CELSR1: variants seen among roughly 807,000 people sequenced by gnomAD.
CELSR1 encodes cadherin EGF LAG seven-pass G-type receptor 1.
CELSR1 carries 110 observed loss-of-function variants against 249.1 expected under a neutral mutation model. The observed-to-expected ratio is 0.44, with a 90% CI of 0.38 to 0.52. CELSR1 has a LOEUF of 0.52. CELSR1 is among the 20% of genes least tolerant of loss of function. The pLI, the probability that CELSR1 is intolerant of heterozygous loss-of-function variation, is 0.00. For synonymous variants in CELSR1, 2,113 were observed against 1,900.0 expected (o/e 1.11, Z -2.92); for missense variants, 4,109 against 4,296.4 (o/e 0.96, Z 1.22).
At chr22:46,376,235 G>T (rs2078916847) in intron 24 of CELSR1, among the ~76,000 whole-genome samples, 1 of 152,128 alleles carries the variant, frequency 6.6e-6, no homozygotes, top group South Asian at 2.1e-4. Context: ...AAATGTACTG[G>T]TGAGGTAAAT....
intron 4 of CELSR1, among the ~76,000 whole-genome samples, chr22:46,435,118 G>A (rs76865464): frequency 0.063 from 9,545 of 151,848 alleles, 382 homozygotes; most frequent in African/African-American, 0.12. Flanking sequence ...TGGCCTTGTC[G>A]ATATATTTTT....
At chr22:46,404,586 T>C (rs1163877514) in intron 9 of CELSR1, among the ~76,000 whole-genome samples, 2 of 152,182 alleles carry the variant, frequency 1.3e-5, no homozygotes, top group Non-Finnish European at 2.9e-5. Context: ...TTGGTCTCTA[T>C]TGATAGTTTG....
Position 46,447,077 on chromosome 22 carries a change from G to A in CELSR1, c.4184-7666C>T, listed in dbSNP as rs1049658964. Among the ~76,000 whole-genome samples, 2 of 152,038 alleles carry A rather than the reference G, an allele frequency of 1.3e-5. No homozygotes were observed. Among genetic ancestry groups the A allele is most frequent in the African/African-American group, 2.4e-5 (1 of 41,410 alleles). ...GCTGCTAGCATGAGTGGATTACAGC[G>A]CTGTTTAAACAAGGTAACTGGAGGG... On this transcript the variant is annotated intron_variant, in intron 2 of 34. Coordinates refer to ENST00000674500, the MANE Select transcript of CELSR1 (RefSeq NM_001378328.1). The surrounding 1 kb of genome is among the most constrained non-coding windows in gnomAD (Gnocchi z 4.7).
rs1006345858 is a variant in CELSR1, at chr22:46,429,099, G to T, written c.4611+4294C>A. Among the ~76,000 whole-genome samples the T allele has an allele frequency of 2.6e-5, 4 of 152,102 alleles. No individual in the cohort carries two copies. The highest frequency in any genetic ancestry group is 5.9e-5 in the Non-Finnish European group (4 of 68,016). The stretch of plus-strand genomic sequence containing the variant: ...GGGAAGCACAGTAAGGGAATGACCC[G>T]CTCAGTGCAGCCCCGAGGATCCCCA... On this transcript the variant is annotated intron_variant, in intron 5 of 34. Transcript: ENST00000674500. This position sits in a 1 kb window ranked among gnomAD's most constrained non-coding sequence, Gnocchi z 4.1.
rs934982408 is a variant in CELSR1 at position 46,393,957 on chromosome 22, G to A, written c.5964+185C>T. On this transcript the variant is annotated intron_variant, in intron 14 of 34. Coordinates refer to ENST00000674500, the MANE Select transcript of CELSR1 (RefSeq NM_001378328.1). This position sits in a 1 kb window ranked among gnomAD's most constrained non-coding sequence, Gnocchi z 4.1. ...CAGCCATGGAGTATTCACAGAGCACGGGGGAGCAGCAAGGAAACCAAAAAC... is the reference window on the plus strand; with the variant it reads ...CAGCCATGGAGTATTCACAGAGCACAGGGGAGCAGCAAGGAAACCAAAAAC... Among the ~76,000 whole-genome samples the A allele has an allele frequency of 5.9e-5, 9 of 152,222 alleles. No homozygotes were observed. The highest frequency in any genetic ancestry group is 4.6e-4 in the Admixed American group (7 of 15,278).
chr22:46,435,261 C>CAA (rs1214889556), intron 4 of CELSR1, among the ~76,000 whole-genome samples: 51 of 82,542 alleles, frequency 6.2e-4, no homozygotes, highest in African/African-American at 1.9e-3. Flanking sequence ...CAGCCTTGTC[C>CAA]AAAAAAAAAA....
At chr22:46,476,077 G>A in intron 1 of CELSR1, among the ~76,000 whole-genome samples, 1 of 152,080 alleles carries the variant, frequency 6.6e-6, no homozygotes, top group Non-Finnish European at 1.5e-5. Flanking sequence ...TAAGAGTTAA[G>A]GATTGCTTCC....
At chr22:46,486,443 G>A (rs1354920274) in intron 1 of CELSR1, among the ~76,000 whole-genome samples, 4 of 151,846 alleles carry the variant, frequency 2.6e-5, no homozygotes, top group African/African-American at 7.3e-5. Flanking sequence ...AGCTACTCAG[G>A]AGACTGAGGC....
rs2079422782 is a variant in CELSR1, at chr22:46,417,977, G to A, written c.4612-6218C>T. 6.6e-6 allele frequency among the ~76,000 whole-genome samples: 1 copy of A among 152,232 alleles called. No individual in the cohort carries two copies. The highest frequency in any genetic ancestry group is 6.5e-5 in the Admixed American group (1 of 15,286). On this transcript the variant is annotated intron_variant, in intron 5 of 34. Coordinates refer to ENST00000674500, the MANE Select transcript of CELSR1 (RefSeq NM_001378328.1). This position sits in a 1 kb window ranked among gnomAD's most constrained non-coding sequence, Gnocchi z 4.1. ...CCATATCCTGCCCCTACTTGGGAAA[G>A]TCACATGACTTCCCTGCATGCCAGG...
rs931157125 is a variant in CELSR1, at chr22:46,433,617, T to C, written c.4523-136A>G. The C allele has an allele frequency of 6.4e-6, 4 of 625,064 alleles. No individual in the cohort carries two copies. The highest frequency in any genetic ancestry group is 3.8e-5 in the South Asian group (2 of 52,712). 38.7% of individuals were successfully genotyped at this position (625,064 alleles called of 1,614,324 possible). A position where few individuals can be genotyped will look rare whatever the true frequency, so the allele number is the denominator to read the frequency against. On this transcript the variant is annotated intron_variant, in intron 4 of 34. Coordinates refer to ENST00000674500, the MANE Select transcript of CELSR1 (RefSeq NM_001378328.1). The surrounding 1 kb of genome is among the most constrained non-coding windows in gnomAD (Gnocchi z 5.7). ...CCTCCCTCCCCTCCCCACGGCACCA[T>C]GGTGGGAGGCGCCCACCACTCCATC...
chr22:46,365,779 C>A (rs1314369652), intron 30 of CELSR1, 90 bp from the exon 31 acceptor site: 1 of 942,186 alleles, frequency 1.1e-6, no homozygotes, highest in Non-Finnish European at 1.6e-6. Flanking sequence ...TGCCCCTACC[C>A]CTTCTGTGTT....
At chr22:46,524,615 C>T (rs370221637) in intron 1 of CELSR1, among the ~76,000 whole-genome samples, 3 of 151,820 alleles carry the variant, frequency 2.0e-5, no homozygotes, top group African/African-American at 7.3e-5. Context: ...AGCCCCTGGC[C>T]TTCATCCAGG....
At position 46,407,108 on chromosome 22, in the gene CELSR1, G is replaced by A. The variant is rs1045815758; in HGVS notation, c.5226+1888C>T. Among the ~76,000 whole-genome samples the A allele has an allele frequency of 1.3e-5, 2 of 152,238 alleles. No homozygotes were observed. Among genetic ancestry groups the A allele is most frequent in the Non-Finnish European group, 2.9e-5 (2 of 68,042 alleles). ...AAGGGCAGCATCTCTGTGCGCTGAA[G>A]GGAGGTCAGGAGGGAGCCCCAGGCT... On this transcript the variant is annotated intron_variant, in intron 9 of 34. Coordinates refer to ENST00000674500, the MANE Select transcript of CELSR1 (RefSeq NM_001378328.1). The surrounding 1 kb of genome is among the most constrained non-coding windows in gnomAD (Gnocchi z 4.8).
At chr22:46,376,986 G>A (rs2078925344) in intron 24 of CELSR1, 75 bp downstream of exon 24, 3 of 1,490,960 alleles carry the variant, frequency 2.0e-6, no homozygotes, top group Non-Finnish European at 2.7e-6. Flanking sequence ...GGTGCTTGGA[G>A]TGGCCAGGAC....
At position 46,454,556 on chromosome 22, in the gene CELSR1, G is replaced by C. The variant is rs944745296; in HGVS notation, c.4183+9151C>G. Among the ~76,000 whole-genome samples, 2 of 152,218 alleles carry C rather than the reference G, an allele frequency of 1.3e-5. No individual in the cohort carries two copies. The highest frequency in any genetic ancestry group is 4.8e-5 in the African/African-American group (2 of 41,466). On this transcript the variant is annotated intron_variant, in intron 2 of 34. Coordinates refer to ENST00000674500, the MANE Select transcript of CELSR1 (RefSeq NM_001378328.1). The surrounding 1 kb of genome is among the most constrained non-coding windows in gnomAD (Gnocchi z 5.1). Reference sequence around the variant, plus strand: ...CACAGCGAGGTTTCTATTGCATGCGGCTCGTCTTCAGGCCACTTTTCTAAC... The same window carrying C: ...CACAGCGAGGTTTCTATTGCATGCGCCTCGTCTTCAGGCCACTTTTCTAAC...
chr22:46,431,389 C>T (rs915613096), intron 5 of CELSR1, among the ~76,000 whole-genome samples: 3 of 152,244 alleles, frequency 2.0e-5, no homozygotes, highest in African/African-American at 7.2e-5. Context: ...GAGTGTTGAG[C>T]ACTGATGGGG....
At chr22:46,504,667 A>G (rs931643983) in intron 1 of CELSR1, among the ~76,000 whole-genome samples, 4 of 152,254 alleles carry the variant, frequency 2.6e-5, no homozygotes, top group Non-Finnish European at 4.4e-5. Flanking sequence ...GGATGAAAAT[A>G]TGGCAGATTT....
chr22:46,468,588 T>A lies in CELSR1; in HGVS notation c.3545-4243A>T, dbSNP rs545754531. Among the ~76,000 whole-genome samples, 6 of 152,084 alleles carry A rather than the reference T, an allele frequency of 3.9e-5. No homozygotes were observed. The South Asian group carries it at 1.2e-3, about 32-fold the overall frequency. On this transcript the variant is annotated intron_variant, in intron 1 of 34. Coordinates refer to ENST00000674500, the MANE Select transcript of CELSR1 (RefSeq NM_001378328.1). The surrounding 1 kb of genome is among the most constrained non-coding windows in gnomAD (Gnocchi z 4.5). ...TAGAGGCAGAAAGTAGAATGATGGG[T>A]GCCACGGGTGGGGAGGCAGATTGGG...
At chr22:46,435,482 A>C (rs1451767878) in intron 4 of CELSR1, among the ~76,000 whole-genome samples, 1 of 151,184 alleles carries the variant, frequency 6.6e-6, no homozygotes, top group African/African-American at 2.4e-5. Flanking sequence ...GGGTTTCACC[A>C]TGTTAGCCAG....
Sources: gnomAD v4.1 joint callset for allele counts (sites outside exome capture counted in the v4.1 genomes callset) on GRCh38, gnomAD v4.1.1 for gene constraint, Gnocchi (gnomAD v3.1) non-coding constraint, MANE v1.5 for transcripts, NCBI Gene and HGNC (gene_info 2026-07-23, HGNC 2026-07-21) for gene names.